ZNF777: variants seen among roughly 807,000 people sequenced by gnomAD.
ZNF777 encodes zinc finger protein 777.
A neutral mutation model predicts 72.1 loss-of-function variants in ZNF777; 7 were observed. The observed-to-expected ratio is 0.10, with a 90% confidence interval of 0.06 to 0.18. The LOEUF is 0.18. Among genes scored for constraint, ZNF777 ranks in the 10% least tolerant of loss-of-function variants. The probability of loss-of-function intolerance (pLI) is 1.00; values close to 1 mark genes in which losing one functional copy is unlikely to be tolerated. For synonymous variants in ZNF777, 545 were observed against 483.5 expected (o/e 1.13, Z -1.67); for missense variants, 828 against 1,128.6 (o/e 0.73, Z 3.82).
chr7:149,459,602 C>G, intron 1 of ZNF777: 1 of 979,502 alleles, frequency 1.0e-6, no homozygotes, highest in African/African-American at 1.7e-5. Flanking sequence ...CGTCCAGGCC[C>G]GCAGCCCTCT....
intron 4 of ZNF777, among the ~76,000 whole-genome samples, chr7:149,448,641 G>T (rs1036435336): frequency 7.2e-6 from 1 of 138,064 alleles, no homozygotes; most frequent in Admixed American, 7.4e-5. Context: ...TTTAAGACTA[G>T]AAAGCATCAA....
chr7:149,449,721 C>T (rs1799681269), intron 4 of ZNF777, among the ~76,000 whole-genome samples: 2 of 152,144 alleles, frequency 1.3e-5, no homozygotes, highest in Admixed American at 1.3e-4. Flanking sequence ...ACCAAAAGTT[C>T]ACCCTGCCAT....
At chr7:149,456,387 T>C (rs1799834297) in intron 1 of ZNF777, among the ~76,000 whole-genome samples, 1 of 152,204 alleles carries the variant, frequency 6.6e-6, no homozygotes, top group South Asian at 2.1e-4. Context: ...TATTGCCACC[T>C]GTGTCACTCT....
chr7:149,431,435 C>T lies in ZNF777; in HGVS notation c.*341G>A, dbSNP rs1469486002. 1 of 437,028 alleles carries T rather than the reference C, an allele frequency of 2.3e-6. No homozygotes were observed. The highest frequency in any genetic ancestry group is 4.6e-6 in the Non-Finnish European group (1 of 219,304). The allele number at this position is 437,028 out of a possible 1,614,324, so 27.1% of individuals were successfully genotyped here. A position where few individuals can be genotyped will look rare whatever the true frequency, so the allele number is the denominator to read the frequency against. ...AAAAGGTAATTATAAAGTTCTATCC[C>T]CAACTAGATGGGCCCTACACCGCCC... On this transcript the variant is annotated 3_prime_UTR_variant, in exon 6 of 6. Coordinates refer to ENST00000247930, the MANE Select transcript of ZNF777 (RefSeq NM_015694.3).
intron 1 of ZNF777, among the ~76,000 whole-genome samples, chr7:149,458,312 G>A (rs928140893): frequency 6.6e-6 from 1 of 152,142 alleles, no homozygotes; most frequent in Non-Finnish European, 1.5e-5. Context: ...AGGAAGCGCT[G>A]GGGGCCCTGG....
chr7:149,437,523 T>TA (rs1563234244), intron 4 of ZNF777, among the ~76,000 whole-genome samples: 1 of 152,356 alleles, frequency 6.6e-6, no homozygotes, highest in East Asian at 1.9e-4. Context: ...AGCATCCTGT[T>TA]ACGCACTGCC....
In ZNF777 at chr7:149,455,670, A is replaced by G; in HGVS notation, c.353T>C (p.Leu118Pro). 1 of 1,562,832 alleles carries G rather than the reference A, an allele frequency of 6.4e-7. No homozygotes were observed. Among genetic ancestry groups the G allele is most frequent in the African/African-American group, 1.4e-5 (1 of 71,904 alleles). ...PAAAEQEVSL[L>P]SHSPHHQEAP... ...TTCCTGGTGGTGGGGGGAGTGGGAGAGAAGGGAGACTTCTTGTTCAGCAGC... is the reference window on the plus strand; with the variant it reads ...TTCCTGGTGGTGGGGGGAGTGGGAGGGAAGGGAGACTTCTTGTTCAGCAGC... Residue 118 changes from leucine (L) to proline (P), a missense_variant, in exon 2 of 6, where the codon CTC becomes CCC. Coordinates refer to ENST00000247930, the MANE Select transcript of ZNF777 (RefSeq NM_015694.3). This position sits in a 1 kb window ranked among gnomAD's most constrained non-coding sequence, Gnocchi z 4.2.
chr7:149,441,799 C>T (rs2116581147), intron 4 of ZNF777, among the ~76,000 whole-genome samples: 1 of 152,152 alleles, frequency 6.6e-6, no homozygotes, highest in Middle Eastern at 3.4e-3. Context: ...TTAGACTTAG[C>T]AATTTTCTTT....
chr7:149,455,643 G>T lies in ZNF777; in HGVS notation c.380C>A (p.Ala127Asp), dbSNP rs747534955. The T allele has an allele frequency of 1.3e-6, 2 of 1,565,622 alleles. No individual in the cohort carries two copies. Among genetic ancestry groups the T allele is most frequent in the Non-Finnish European group, 1.7e-6 (2 of 1,155,388 alleles). The change falls in exon 2 of 6, where the codon GCC (alanine) becomes GAC (aspartate). Residue 127 changes from alanine to aspartate, a missense_variant. Ala to Asp is a moderately radical substitution (Grantham distance 126, BLOSUM62 -2). This residue lies in a region of ZNF777 where 222 missense variants were observed against 211.2 expected (regional missense o/e 1.05). Coordinates refer to ENST00000247930, the MANE Select transcript of ZNF777 (RefSeq NM_015694.3). This position sits in a 1 kb window ranked among gnomAD's most constrained non-coding sequence, Gnocchi z 4.2. ...LLSHSPHHQE[A>D]PVHSPEAPEK... ...AGGAGCTTCAGGGGAGTGAACGGGGGCTTCCTGGTGGTGGGGGGAGTGGGA... is the reference window on the plus strand; with the variant it reads ...AGGAGCTTCAGGGGAGTGAACGGGGTCTTCCTGGTGGTGGGGGGAGTGGGA...
intron 1 of ZNF777, among the ~76,000 whole-genome samples, chr7:149,458,685 G>A (rs944055779): frequency 5.9e-5 from 9 of 152,194 alleles, no homozygotes; most frequent in Non-Finnish European, 1.2e-4. Flanking sequence ...CTGTAGAGGG[G>A]CCACAGGAGG....
Position 149,432,659 on chromosome 7 carries a change from C to T in ZNF777, c.1613G>A (p.Arg538Gln). Residue 538 changes from arginine to glutamine, a missense_variant, in exon 6 of 6, where the codon CGG (arginine) becomes CAG (glutamine). By Grantham distance (43) the Arg-to-Gln change is conservative. Transcript: ENST00000247930. Reference sequence around the variant, plus strand: ...GAAGGGCCGCTCGCCGCGCCGGTTCCGCTGCTGCTGGCTCGAGGCCCCGCG... The same window carrying T: ...GAAGGGCCGCTCGCCGCGCCGGTTCTGCTGCTGCTGGCTCGAGGCCCCGCG... ...ENRGASSQQQ[R>Q]NRRGERPFTC... 3 of 1,613,510 alleles carry T rather than the reference C, an allele frequency of 1.9e-6. No homozygotes were observed. The highest frequency in any genetic ancestry group is 2.5e-6 in the Non-Finnish European group (3 of 1,179,732).
intron 4 of ZNF777, among the ~76,000 whole-genome samples, chr7:149,443,730 G>C (rs1262571459): frequency 6.6e-6 from 1 of 152,098 alleles, no homozygotes; most frequent in East Asian, 1.9e-4. Flanking sequence ...TTACAGGCAT[G>C]GGCCACCACA....
At chr7:149,447,623 C>A (rs889708160) in intron 4 of ZNF777, among the ~76,000 whole-genome samples, 1 of 152,188 alleles carries the variant, frequency 6.6e-6, no homozygotes, top group Non-Finnish European at 1.5e-5. Context: ...AGGTTTCCTA[C>A]CTGGAAGACG....
At chr7:149,441,567 G>C (rs1204858992) in intron 4 of ZNF777, among the ~76,000 whole-genome samples, 1 of 152,108 alleles carries the variant, frequency 6.6e-6, no homozygotes, top group African/African-American at 2.4e-5. Context: ...GATTCTTGTA[G>C]CTTGCTGTTG....
rs1272912243 is a variant in ZNF777 at position 149,460,145 on chromosome 7, A to G, written c.-16+670T>C. 1.0e-6 allele frequency: 1 copy of G among 976,826 alleles called. No homozygotes were observed. Among genetic ancestry groups the G allele is most frequent in the Non-Finnish European group, 1.2e-6 (1 of 824,830 alleles). The allele number at this position is 976,826 out of a possible 1,614,324, so 60.5% of individuals were successfully genotyped here. On this transcript the variant is annotated intron_variant, in intron 1 of 5. Transcript: ENST00000247930. This position sits in a 1 kb window ranked among gnomAD's most constrained non-coding sequence, Gnocchi z 6.1. ...CACAGGAGCCGGGGCCGCCTCGGCC[A>G]TGGCCCTGCGCTGTCCGGCCCGGGC...
rs1315589638 is a variant in ZNF777, at chr7:149,460,742, CG to C, written c.-16+72del. The C allele has an allele frequency of 6.6e-6, 1 of 152,308 alleles. No individual in the cohort carries two copies. Among genetic ancestry groups the C allele is most frequent in the Non-Finnish European group, 1.5e-5 (1 of 68,168 alleles). 9.4% of individuals were successfully genotyped at this position (152,308 alleles called of 1,614,324 possible). ...GGCGGCGACGGACACGCCCTGAGCC[CG>C]GGCCAGCCCGTCGTGGAGCCCGGGC... On this transcript the variant is annotated intron_variant, in intron 1 of 5. Transcript: ENST00000247930. This position sits in a 1 kb window ranked among gnomAD's most constrained non-coding sequence, Gnocchi z 6.1.
chr7:149,458,596 A>G lies in ZNF777; in HGVS notation c.-16+2219T>C, dbSNP rs1323360714. Among the ~76,000 whole-genome samples the G allele has an allele frequency of 3.3e-5, 5 of 152,362 alleles. No individual in the cohort carries two copies. In the East Asian group the frequency reaches 9.6e-4, roughly 29 times the overall value. ...GCAGACCAAGGCATCTTTACCAGCT[A>G]GACAAATCAGAGCTCAAAGGAAAAT... On this transcript the variant is annotated intron_variant, in intron 1 of 5. Coordinates refer to ENST00000247930, the MANE Select transcript of ZNF777 (RefSeq NM_015694.3).
intron 5 of ZNF777, among the ~76,000 whole-genome samples, chr7:149,435,105 C>T (rs753040461): frequency 5.9e-5 from 9 of 152,152 alleles, no homozygotes; most frequent in Non-Finnish European, 1.2e-4. Context: ...TTATGAAAGA[C>T]AGCATGGTAT....
chr7:149,458,502 G>GAAACCA (rs1799877045), intron 1 of ZNF777, among the ~76,000 whole-genome samples: 1 of 149,242 alleles, frequency 6.7e-6, no homozygotes, highest in Non-Finnish European at 1.5e-5. Context: ...CTGAAACAAT[G>GAAACCA]AAACAAAACA....
Sources: allele counts gnomAD v4.1 joint callset (sites outside exome capture counted in the v4.1 genomes callset), GRCh38; gene constraint gnomAD v4.1.1; regional missense constraint gnomAD v4.1.1; non-coding constraint Gnocchi (gnomAD v3.1); transcripts MANE v1.5; gene names NCBI Gene and HGNC (gene_info 2026-07-23, HGNC 2026-07-21).